The following ADGRA3 variants were observed in gnomAD, a reference collection of about 807,000 sequenced individuals.
The protein encoded by ADGRA3 is adhesion G protein-coupled receptor A3.
A neutral mutation model predicts 119.8 loss-of-function variants in ADGRA3; 56 were observed. The ratio of observed to expected loss-of-function variants is 0.47; its 90% confidence interval spans 0.38 to 0.58. The LOEUF (loss-of-function observed/expected upper bound fraction) is 0.58. Ranked by LOEUF, ADGRA3 falls within the 20% of genes least tolerant of loss-of-function variation. The probability of loss-of-function intolerance (pLI) is 0.00; values close to 1 mark genes in which losing one functional copy is unlikely to be tolerated. For synonymous variants in ADGRA3, 607 were observed against 623.8 expected (o/e 0.97, Z 0.40); for missense variants, 1,516 against 1,649.0 (o/e 0.92, Z 1.40).
chr4:22,464,302 C>T (rs1202373738), intron 2 of ADGRA3, among the ~76,000 whole-genome samples: 6 of 152,102 alleles, frequency 3.9e-5, no homozygotes, highest in Non-Finnish European at 7.4e-5. Context: ...GGTTTTGCAC[C>T]CTGGCCTCTA....
At chr4:22,390,320 TTA>T (rs34566272) in intron 17 of ADGRA3, among the ~76,000 whole-genome samples, 69,478 of 107,218 alleles carry the variant, frequency 0.65, 24,273 homozygotes, top group East Asian at 0.74. Flanking sequence ...TCTCTACTGC[TTA>T]TATATATATA....
chr4:22,492,195 GA>G (rs1206709534), intron 1 of ADGRA3, among the ~76,000 whole-genome samples: 112 of 152,238 alleles, frequency 7.4e-4, no homozygotes, highest in South Asian at 4.1e-4. Flanking sequence ...CATCAAGGGA[GA>G]AAGTCCATCC....
chr4:22,389,870 T>C (rs1253826245), intron 17 of ADGRA3, among the ~76,000 whole-genome samples: 1 of 152,152 alleles, frequency 6.6e-6, no homozygotes. Flanking sequence ...TCTCTGAAAA[T>C]AAATTTCCAT....
intron 3 of ADGRA3, among the ~76,000 whole-genome samples, chr4:22,459,012 CAA>C (rs1468887230): frequency 1.3e-5 from 2 of 152,110 alleles, no homozygotes; most frequent in Non-Finnish European, 2.9e-5. Context: ...TTTTAAAAGA[CAA>C]AGAGAAAATC....
At chr4:22,391,933 A>C (rs1714150481) in intron 17 of ADGRA3, among the ~76,000 whole-genome samples, 1 of 151,930 alleles carries the variant, frequency 6.6e-6, no homozygotes, top group South Asian at 2.1e-4. Flanking sequence ...TATCTCCACT[A>C]TGCTTCTCAC....
At chr4:22,496,751 T>C (rs1164034141) in intron 1 of ADGRA3, among the ~76,000 whole-genome samples, 1 of 152,192 alleles carries the variant, frequency 6.6e-6, no homozygotes, top group East Asian at 1.9e-4. Context: ...AACCCTGATA[T>C]ATACAAAAGG....
chr4:22,428,925 T>C (rs557232081), intron 10 of ADGRA3, among the ~76,000 whole-genome samples: 2 of 152,134 alleles, frequency 1.3e-5, no homozygotes, highest in South Asian at 4.2e-4. Context: ...GTAAAGAGAA[T>C]GATGAGGATG....
intron 5 of ADGRA3, among the ~76,000 whole-genome samples, chr4:22,446,812 T>C (rs1716849011): frequency 6.6e-6 from 1 of 152,150 alleles, no homozygotes; most frequent in African/African-American, 2.4e-5. Context: ...CCAATAAGCT[T>C]AGGATAATTT....
chr4:22,420,130 C>A (rs1715591011), intron 12 of ADGRA3: 3 of 152,228 alleles, frequency 2.0e-5, no homozygotes, highest in African/African-American at 7.3e-5. Context: ...ATTAAAATGA[C>A]TGGAATATTG....
intron 1 of ADGRA3, among the ~76,000 whole-genome samples, chr4:22,499,420 T>G (rs6448161): frequency 0.23 from 35,561 of 152,160 alleles, 4,601 homozygotes; most frequent in African/African-American, 0.32. Context: ...GCAAAACCAA[T>G]GCGAATCCCC....
At chr4:22,397,175 C>CTTTTTTTTTTTTTTTT (rs56918685) in intron 16 of ADGRA3, among the ~76,000 whole-genome samples, 1 of 93,254 alleles carries the variant, frequency 1.1e-5, no homozygotes. Context: ...TACTGTAATT[C>CTTTTTTTTTTTTTTTT]TTTTTTTTTT....
intron 12 of ADGRA3, among the ~76,000 whole-genome samples, chr4:22,416,207 G>A (rs1380619452): frequency 6.6e-6 from 1 of 151,944 alleles, no homozygotes; most frequent in Non-Finnish European, 1.5e-5. Flanking sequence ...CTGGCCCGAG[G>A]GTGGCAAGCA....
At chr4:22,446,008 A>C (rs1327644190) in intron 5 of ADGRA3, among the ~76,000 whole-genome samples, 1 of 152,252 alleles carries the variant, frequency 6.6e-6, no homozygotes, top group Non-Finnish European at 1.5e-5. Flanking sequence ...GGAGGGCATC[A>C]TATAATAGAA....
intron 2 of ADGRA3, among the ~76,000 whole-genome samples, chr4:22,464,607 T>C (rs569679471): frequency 6.6e-6 from 1 of 152,324 alleles, no homozygotes; most frequent in African/African-American, 2.4e-5. Flanking sequence ...ACTGACAGCA[T>C]GGCAGCGCTC....
At chr4:22,398,185 A>G in intron 16 of ADGRA3, 2 of 935,144 alleles carry the variant, frequency 2.1e-6, no homozygotes, top group Non-Finnish European at 2.6e-6. Flanking sequence ...TTCATCAATA[A>G]TACTAATATA....
chr4:22,501,298 TA>T (rs1468041613), intron 1 of ADGRA3, among the ~76,000 whole-genome samples: 1 of 151,784 alleles, frequency 6.6e-6, no homozygotes, highest in Non-Finnish European at 1.5e-5. Flanking sequence ...ATGAGAAGGC[TA>T]AAGACAAGTG....
At chr4:22,470,298 C>T (rs190950798) in intron 2 of ADGRA3, among the ~76,000 whole-genome samples, 168 of 147,490 alleles carry the variant, frequency 1.1e-3, no homozygotes, top group African/African-American at 4.0e-3. Context: ...AAAAATAAAA[C>T]CCCAAATCCA....
chr4:22,484,912 A>G (rs1718382620), intron 1 of ADGRA3, among the ~76,000 whole-genome samples: 3 of 151,424 alleles, frequency 2.0e-5, no homozygotes, highest in African/African-American at 4.9e-5. Flanking sequence ...CAGATATTCC[A>G]TCTCTTAGTT....
intron 1 of ADGRA3, among the ~76,000 whole-genome samples, chr4:22,479,609 C>A (rs1217445478): frequency 1.3e-5 from 2 of 152,092 alleles, no homozygotes; most frequent in African/African-American, 4.8e-5. Context: ...GGACCTAGAA[C>A]CAGAAATATC....
Sources: gnomAD v4.1 joint callset for allele counts (sites outside exome capture counted in the v4.1 genomes callset) on GRCh38, gnomAD v4.1.1 for gene constraint, MANE v1.5 for transcripts, NCBI Gene and HGNC (gene_info 2026-07-23, HGNC 2026-07-21) for gene names.